Variants in KMO observed in about 807,000 individuals in gnomAD.
The protein encoded by KMO is kynurenine 3-monooxygenase.
KMO carries 24 observed loss-of-function variants against 57.8 expected under a neutral mutation model. That is an observed-to-expected ratio of 0.42 (90% CI 0.30 to 0.58). The LOEUF (loss-of-function observed/expected upper bound fraction) is 0.58. KMO is among the 20% of genes least tolerant of loss of function. The pLI is 0.22. For missense variants in KMO, 483 were observed against 588.2 expected, an observed-to-expected ratio of 0.82 and a Z score of 1.85; for synonymous variants, 210 against 193.6, an observed-to-expected ratio of 1.08 and a Z score of -0.70.
At chr1:241,581,653 A>AT (rs1662755142) in intron 10 of KMO, among the ~76,000 whole-genome samples, 1 of 152,120 alleles carries the variant, frequency 6.6e-6, no homozygotes, top group Non-Finnish European at 1.5e-5. Flanking sequence ...AGAGAAAACT[A>AT]AACAACTCTA....
chr1:241,560,265 A>G (rs574994935), intron 5 of KMO, among the ~76,000 whole-genome samples: 1 of 152,326 alleles, frequency 6.6e-6, no homozygotes, highest in African/African-American at 2.4e-5. Context: ...CTAAAAAGAG[A>G]TATAGAGACA....
intron 10 of KMO, among the ~76,000 whole-genome samples, chr1:241,581,892 ATTTGTTAACAT>A (rs1227712085): frequency 6.6e-6 from 1 of 151,858 alleles, no homozygotes; most frequent in East Asian, 1.9e-4. Flanking sequence ...TTTTTTTCTC[ATTTGTTAACAT>A]CCTTTTCTTT....
At chr1:241,560,637 C>A (rs761557860) in intron 5 of KMO, 28 bp from the exon 6 acceptor site, 10 of 1,476,508 alleles carry the variant, frequency 6.8e-6, no homozygotes, top group Middle Eastern at 1.7e-4. Context: ...GATTTCATTT[C>A]TGTTTGCCTC....
chr1:241,581,246 A>T (rs1662737843), intron 10 of KMO, among the ~76,000 whole-genome samples: 1 of 152,090 alleles, frequency 6.6e-6, no homozygotes, highest in South Asian at 2.1e-4. Context: ...TCTTGTAGGC[A>T]GCATATAGTT....
At chr1:241,584,302 C>G (rs1168097927) in intron 10 of KMO, among the ~76,000 whole-genome samples, 2 of 152,138 alleles carry the variant, frequency 1.3e-5, no homozygotes, top group Non-Finnish European at 2.9e-5. Flanking sequence ...CAATGAGATA[C>G]CATCTCACAC....
At position 241,532,384 on chromosome 1, in the gene KMO, C is replaced by G; in HGVS notation, c.-61C>G. The G allele has an allele frequency of 6.2e-7, 1 of 1,610,704 alleles. No individual in the cohort carries two copies. ...CAGAGAAATCAGTGTGTAGGAGACA[C>G]AGAAATCAGTGTCACTCAGTGACAG... On this transcript the variant is annotated 5_prime_UTR_variant, in exon 1 of 15. Coordinates refer to ENST00000366559, the MANE Select transcript of KMO (RefSeq NM_003679.5).
intron 10 of KMO, among the ~76,000 whole-genome samples, chr1:241,569,702 A>C (rs1462709160): frequency 6.6e-6 from 1 of 152,006 alleles, no homozygotes; most frequent in African/African-American, 2.4e-5. Context: ...CATATATGGC[A>C]GTTTTATTTT....
intron 9 of KMO, among the ~76,000 whole-genome samples, chr1:241,566,817 C>T (rs568205290): frequency 1.3e-5 from 2 of 152,138 alleles, no homozygotes; most frequent in South Asian, 2.1e-4. Flanking sequence ...CCAGTTCCTC[C>T]GGGAAAGATG....
chr1:241,556,922 A>T (rs1412406480), intron 5 of KMO, among the ~76,000 whole-genome samples: 1 of 151,632 alleles, frequency 6.6e-6, no homozygotes, highest in East Asian at 1.9e-4. Context: ...AATAATAAAG[A>T]TTTGTCTTTT....
intron 10 of KMO, among the ~76,000 whole-genome samples, chr1:241,575,949 G>A (rs1662497609): frequency 6.6e-6 from 1 of 150,664 alleles, no homozygotes; most frequent in African/African-American, 2.4e-5. Flanking sequence ...CCAGTGTTAG[G>A]TGCCTATAAG....
At position 241,549,826 on chromosome 1, in the gene KMO, T is replaced by C. The variant is rs1329568623; in HGVS notation, c.222+52T>C. On this transcript the variant is annotated intron_variant, in intron 3 of 14. Coordinates refer to ENST00000366559, the MANE Select transcript of KMO (RefSeq NM_003679.5). ...GATAATACCTGGTATTTTTCAACAA[T>C]TGCATGGTTTGATTTCATCCTGGCT... 4.7e-6 allele frequency: 5 copies of C among 1,072,394 alleles called. No homozygotes were observed. The Admixed American group carries it at 5.5e-5, about 12-fold the overall frequency. 66.4% of individuals were successfully genotyped at this position (1,072,394 alleles called of 1,614,324 possible). A position where few individuals can be genotyped will look rare whatever the true frequency, so the allele number is the denominator to read the frequency against.
chr1:241,580,317 G>A (rs985408228), intron 10 of KMO, among the ~76,000 whole-genome samples: 1 of 152,142 alleles, frequency 6.6e-6, no homozygotes, highest in Non-Finnish European at 1.5e-5. Context: ...CCAAGTGGGA[G>A]AGGCATGCTA....
intron 7 of KMO, among the ~76,000 whole-genome samples, chr1:241,563,093 A>G (rs1200206258): frequency 6.6e-6 from 1 of 152,248 alleles, no homozygotes; most frequent in Non-Finnish European, 1.5e-5. Context: ...CAGAGTTCTT[A>G]TAACCATGAT....
chr1:241,541,254 C>G (rs113530904), intron 1 of KMO, among the ~76,000 whole-genome samples: 1 of 152,042 alleles, frequency 6.6e-6, no homozygotes, highest in African/African-American at 2.4e-5. Flanking sequence ...ATCAATAGGA[C>G]GTATTGCCTA....
chr1:241,583,025 C>T (rs1286642602), intron 10 of KMO, among the ~76,000 whole-genome samples: 1 of 152,202 alleles, frequency 6.6e-6, no homozygotes, highest in Non-Finnish European at 1.5e-5. Flanking sequence ...AATGCTACAA[C>T]TCTTGCCAAG....
chr1:241,549,256 A>AAAGAAAGAAAGTCG (rs1558414900), intron 2 of KMO, among the ~76,000 whole-genome samples: 1 of 114,808 alleles, frequency 8.7e-6, no homozygotes, highest in South Asian at 2.9e-4. Context: ...AAAGAAAGAA[A>AAAGAAAGAAAGTCG]GAAAGAAAGA....
intron 10 of KMO, among the ~76,000 whole-genome samples, chr1:241,584,208 C>T (rs377028558): frequency 1.3e-5 from 2 of 152,090 alleles, no homozygotes; most frequent in East Asian, 3.9e-4. Context: ...CAATTCCCAC[C>T]TATGAGTGAG....
At chr1:241,541,020 C>A (rs1660939634) in intron 1 of KMO, among the ~76,000 whole-genome samples, 1 of 152,166 alleles carries the variant, frequency 6.6e-6, no homozygotes, top group Admixed American at 6.5e-5. Flanking sequence ...ATGATCTCAG[C>A]CTTGCATGCC....
intron 4 of KMO, among the ~76,000 whole-genome samples, chr1:241,555,157 G>C (rs962904075): frequency 6.6e-6 from 1 of 151,714 alleles, no homozygotes; most frequent in Non-Finnish European, 1.5e-5. Flanking sequence ...ACACACACAC[G>C]CGTGCACACA....
Sources: gnomAD v4.1 joint callset for allele counts (sites outside exome capture counted in the v4.1 genomes callset) on GRCh38, gnomAD v4.1.1 for gene constraint, MANE v1.5 for transcripts, NCBI Gene and HGNC (gene_info 2026-07-23, HGNC 2026-07-21) for gene names.